CNTNAP4: variants seen among roughly 807,000 people sequenced by gnomAD.
CNTNAP4 encodes contactin associated protein family member 4.
CNTNAP4 carries 98 observed loss-of-function variants against 148.4 expected under a neutral mutation model. That is an observed-to-expected ratio of 0.66 (90% CI 0.56 to 0.78). The LOEUF (loss-of-function observed/expected upper bound fraction) is 0.78, where lower values mean the gene tolerates loss of function less well. Among genes scored for constraint, CNTNAP4 ranks in the 30% least tolerant of loss-of-function variants. CNTNAP4 has a pLI of 0.00. For synonymous variants in CNTNAP4, 730 were observed against 565.1 expected (o/e 1.29, Z -4.14); for missense variants, 1,935 against 1,565.6 (o/e 1.24, Z -3.98).
At chr16:76,291,017 C>T (rs749685272) in intron 1 of CNTNAP4, among the ~76,000 whole-genome samples, 10 of 152,034 alleles carry the variant, frequency 6.6e-5, no homozygotes, top group African/African-American at 2.2e-4. Flanking sequence ...AGGGGCCAGT[C>T]TTATTGGATT....
chr16:76,490,721 T>C (rs1000626632), intron 13 of CNTNAP4, among the ~76,000 whole-genome samples: 5 of 152,206 alleles, frequency 3.3e-5, no homozygotes, highest in Admixed American at 2.0e-4. Flanking sequence ...CTGTTGTTTG[T>C]CTGTCCAACA....
intron 2 of CNTNAP4, among the ~76,000 whole-genome samples, chr16:76,333,319 A>T (rs144621508): frequency 6.6e-6 from 1 of 152,140 alleles, no homozygotes; most frequent in Admixed American, 6.5e-5. Flanking sequence ...CATATGCTCA[A>T]TCTATCTCTA....
chr16:76,559,533 T>A lies in CNTNAP4; in HGVS notation c.*850T>A, dbSNP rs1053504562. Among the ~76,000 whole-genome samples the A allele has an allele frequency of 3.3e-5, 5 of 152,292 alleles. No individual in the cohort carries two copies. In the East Asian group the frequency reaches 7.7e-4, roughly 23 times the overall value. On this transcript the variant is annotated 3_prime_UTR_variant, in exon 24 of 24. Transcript: ENST00000611870. ...TAAACTGTTGATATATTAAAAAAAATTCTTAACACAGCAAAAAATTATTAT... is the reference window on the plus strand; with the variant it reads ...TAAACTGTTGATATATTAAAAAAAAATCTTAACACAGCAAAAAATTATTAT...
intron 1 of CNTNAP4, among the ~76,000 whole-genome samples, chr16:76,295,781 G>A (rs28419637): frequency 0.02 from 3,028 of 152,236 alleles, 104 homozygotes; most frequent in African/African-American, 0.068. Flanking sequence ...GATGTACTAT[G>A]CTTTTTGTAT....
chr16:76,322,838 T>C (rs1023620745), intron 2 of CNTNAP4, among the ~76,000 whole-genome samples: 2 of 137,198 alleles, frequency 1.5e-5, no homozygotes, highest in Admixed American at 7.1e-5. Flanking sequence ...TTATTTTTTA[T>C]TTTTTGTTTT....
rs570554095 is a variant in CNTNAP4, at chr16:76,282,134, T to C, written c.85+4387T>C. ...GTCTTAATTATTTAGCACACAAATA[T>C]ATACTTGCAGAGTTGTGGTACTGAA... On this transcript the variant is annotated intron_variant, in intron 1 of 23. Transcript: ENST00000611870. Among the ~76,000 whole-genome samples the C allele has an allele frequency of 1.2e-4, 19 of 152,034 alleles. No homozygotes were observed. In the East Asian group the frequency reaches 2.9e-3, roughly 23 times the overall value.
intron 8 of CNTNAP4, among the ~76,000 whole-genome samples, chr16:76,460,156 G>A (rs1311389359): frequency 6.6e-6 from 1 of 151,992 alleles, no homozygotes; most frequent in Non-Finnish European, 1.5e-5. Context: ...TGCCCAGGCT[G>A]GAGTGCAATG....
intron 3 of CNTNAP4, among the ~76,000 whole-genome samples, chr16:76,378,794 A>G (rs146290249): frequency 4.3e-4 from 66 of 152,248 alleles, no homozygotes; most frequent in African/African-American, 1.5e-3. Context: ...CATGTCAGTG[A>G]GGGAGAAAAC....
At chr16:76,326,727 C>G (rs1362293469) in intron 2 of CNTNAP4, among the ~76,000 whole-genome samples, 1 of 148,990 alleles carries the variant, frequency 6.7e-6, no homozygotes, top group African/African-American at 2.5e-5. Context: ...CATGTTCTCA[C>G]TCATAGGTGG....
chr16:76,285,751 T>C (rs1460027547), intron 1 of CNTNAP4, among the ~76,000 whole-genome samples: 2 of 152,096 alleles, frequency 1.3e-5, no homozygotes, highest in Non-Finnish European at 2.9e-5. Context: ...TCTGCAATTA[T>C]GACCTACGGA....
chr16:76,431,231 T>C (rs948835032), intron 4 of CNTNAP4, among the ~76,000 whole-genome samples: 1 of 152,072 alleles, frequency 6.6e-6, no homozygotes, highest in African/African-American at 2.4e-5. Context: ...GGAAAGAGGA[T>C]TGCTGGAATG....
At chr16:76,288,851 T>G (rs898246167) in intron 1 of CNTNAP4, among the ~76,000 whole-genome samples, 3 of 152,104 alleles carry the variant, frequency 2.0e-5, no homozygotes, top group Non-Finnish European at 2.9e-5. Context: ...ATTGGAAAAT[T>G]GTGTTATTTT....
rs1241783969 is a variant in CNTNAP4, at chr16:76,426,608, G to C, written c.391-844G>C. On this transcript the variant is annotated intron_variant, in intron 3 of 23. Coordinates refer to ENST00000611870, the MANE Select transcript of CNTNAP4 (RefSeq NM_033401.5). ...GCATAAATGTTGGGGGCTGCAGTAT[G>C]TGGGTTTTACAGGTAAGCTACCTAT... is the stretch of plus-strand genomic sequence containing the variant. Among the ~76,000 whole-genome samples, 9 of 152,204 alleles carry C rather than the reference G, an allele frequency of 5.9e-5. No individual in the cohort carries two copies. The East Asian group carries it at 1.7e-3, about 29-fold the overall frequency.
chr16:76,383,552 C>G (rs141112012), intron 3 of CNTNAP4, among the ~76,000 whole-genome samples: 1 of 151,726 alleles, frequency 6.6e-6, no homozygotes, highest in Non-Finnish European at 1.5e-5. Flanking sequence ...AAACAGCAAT[C>G]GAATGCAACA....
intron 2 of CNTNAP4, among the ~76,000 whole-genome samples, chr16:76,319,134 AATCC>A (rs1962137616): frequency 6.6e-6 from 1 of 152,176 alleles, no homozygotes; most frequent in Non-Finnish European, 1.5e-5. Context: ...TCACACCTGT[AATCC>A]TAGCACTTTG....
chr16:76,426,469 C>A (rs2079408017), intron 3 of CNTNAP4, among the ~76,000 whole-genome samples: 1 of 152,080 alleles, frequency 6.6e-6, no homozygotes, highest in Non-Finnish European at 1.5e-5. Context: ...AGGACCATGA[C>A]AAGGAAGGTG....
intron 15 of CNTNAP4, among the ~76,000 whole-genome samples, chr16:76,520,653 A>G (rs1466575236): frequency 6.6e-6 from 1 of 152,164 alleles, no homozygotes; most frequent in Non-Finnish European, 1.5e-5. Context: ...AGAAAATCAC[A>G]AGGCCCATTA....
At position 76,513,930 on chromosome 16, in the gene CNTNAP4, C is replaced by G. The variant is rs117322382; in HGVS notation, c.2366-7210C>G. On this transcript the variant is annotated intron_variant, in intron 15 of 23. Coordinates refer to ENST00000611870, the MANE Select transcript of CNTNAP4 (RefSeq NM_033401.5). ...TTGTGTTGCTGAAATCAGAATCACT[C>G]TATCTCATGTTTTTTGAATAAATGA... 2.3e-3 allele frequency among the ~76,000 whole-genome samples: 356 copies of G among 152,274 alleles called. 2 individuals carry two copies. The highest frequency in any genetic ancestry group is 4.2e-3 in the Admixed American group (64 of 15,286).
chr16:76,450,800 T>G (rs1597583612), intron 7 of CNTNAP4, among the ~76,000 whole-genome samples: 5 of 152,114 alleles, frequency 3.3e-5, no homozygotes, highest in Admixed American at 3.3e-4. Flanking sequence ...AGGTTTCAGT[T>G]AGGGAAGCAG....
Sources: gnomAD v4.1 joint callset for allele counts (sites outside exome capture counted in the v4.1 genomes callset) on GRCh38, gnomAD v4.1.1 for gene constraint, MANE v1.5 for transcripts, NCBI Gene and HGNC (gene_info 2026-07-23, HGNC 2026-07-21) for gene names.